The following SSC5D variants were observed in gnomAD, a reference collection of about 807,000 sequenced individuals.
SSC5D encodes the protein soluble scavenger receptor cysteine-rich domain-containing protein SSC5D.
A neutral mutation model predicts 104.6 loss-of-function variants in SSC5D; 106 were observed. The observed-to-expected ratio is 1.01, with a 90% CI of 0.87 to 1.19. SSC5D has a LOEUF of 1.19. Among genes scored for constraint, SSC5D ranks in the 50% most tolerant of loss-of-function variants. The pLI, the probability that SSC5D is intolerant of heterozygous loss-of-function variation, is 0.00. For synonymous variants in SSC5D, 860 were observed against 883.5 expected (o/e 0.97, Z 0.47); for missense variants, 1,993 against 2,153.8 (o/e 0.93, Z 1.48).
Position 55,488,494 on chromosome 19 carries a change from G to A in SSC5D, c.-96G>A. On this transcript the variant is annotated 5_prime_UTR_variant, in exon 1 of 14. Transcript: ENST00000389623. Reference sequence around the variant, plus strand: ...TCCTCGGGCCTGGGCGCCTCCAGCAGGCACTTCCCTCCCTCCCTCTCTCCC... The same window carrying A: ...TCCTCGGGCCTGGGCGCCTCCAGCAAGCACTTCCCTCCCTCCCTCTCTCCC... 1 of 1,171,294 alleles carries A rather than the reference G, an allele frequency of 8.5e-7. No individual in the cohort carries two copies. The highest frequency in any genetic ancestry group is 1.2e-6 in the Non-Finnish European group (1 of 813,536). The allele number at this position is 1,171,294 out of a possible 1,614,324, so 72.6% of individuals were successfully genotyped here.
intron 8 of SSC5D, among the ~76,000 whole-genome samples, chr19:55,497,621 G>C (rs186760448): frequency 1.2e-4 from 18 of 152,260 alleles, no homozygotes; most frequent in Admixed American, 1.2e-3. Context: ...AGACTTTCTA[G>C]ATTATATGGT....
Position 55,494,754 on chromosome 19 carries a change from C to T in SSC5D, c.1358C>T (p.Thr453Ile). The change falls in exon 8 of 14, where the codon ACT becomes ATT. Residue 453 changes from threonine to isoleucine, a missense_variant. Thr to Ile is a moderately conservative substitution (Grantham distance 89). Around this residue, in one of 6 missense-constraint regions of SSC5D, gnomAD observed 1,101 missense variants for 1,085.0 expected, o/e 1.01. Coordinates refer to ENST00000389623, the MANE Select transcript of SSC5D (RefSeq NM_001144950.2). Reference sequence around the variant, plus strand: ...GTTTCACCTCCTCCAGCCTCCCCTACTGTCCTTTGGGAGCCTGGACCGGAA... The same window carrying T: ...GTTTCACCTCCTCCAGCCTCCCCTATTGTCCTTTGGGAGCCTGGACCGGAA... The part of the protein sequence containing the change: ...AGVSPPPASP[T>I]VLWEPGPEAG... The T allele has an allele frequency of 6.5e-7, 1 of 1,548,704 alleles. No homozygotes were observed. The highest frequency in any genetic ancestry group is 8.7e-7 in the Non-Finnish European group (1 of 1,145,770).
At position 55,489,580 on chromosome 19, in the gene SSC5D, G is replaced by A; in HGVS notation, c.279G>A (p.Glu93=). The part of the protein sequence containing the change: ...WLSELACRGN[E]GQLGLCHHRG... ...GCGAGCTGGCTTGCCGGGGCAACGA[G>A]GGGCAGCTGGGCCTCTGCCACCACC... The change falls in exon 3 of 14, where the codon GAG becomes GAA. Residue 93 remains glutamate (E), a synonymous_variant. Coordinates refer to ENST00000389623, the MANE Select transcript of SSC5D (RefSeq NM_001144950.2). 1 of 1,518,290 alleles carries A rather than the reference G, an allele frequency of 6.6e-7. No homozygotes were observed. The highest frequency in any genetic ancestry group is 1.2e-5 in the South Asian group (1 of 81,928). The allele number at this position is 1,518,290 out of a possible 1,614,324, so 94.1% of individuals were successfully genotyped here.
At chr19:55,494,556 G>C (rs1599915769) in intron 7 of SSC5D, 54 bp from the exon 8 acceptor site, 6 of 1,447,118 alleles carry the variant, frequency 4.1e-6, no homozygotes, top group Non-Finnish European at 5.5e-6. Context: ...GGGGGTGCCG[G>C]CTCCGGGATG....
At chr19:55,502,854 T>A (rs529396173) in intron 12 of SSC5D, among the ~76,000 whole-genome samples, 2 of 152,202 alleles carry the variant, frequency 1.3e-5, no homozygotes, top group African/African-American at 4.8e-5. Flanking sequence ...CTTGCTGTGT[T>A]GCCCAGGCTG....
At position 55,494,637 on chromosome 19, in the gene SSC5D, C is replaced by T. The variant is rs761297324; in HGVS notation, c.1241C>T (p.Thr414Met). 308 of 1,543,830 alleles carry T rather than the reference C, an allele frequency of 2.0e-4. 1 individual carries two copies. Among genetic ancestry groups the T allele is most frequent in the Non-Finnish European group, 4.8e-5 (55 of 1,142,540 alleles). The change falls in exon 8 of 14, where the codon ACG becomes ATG. Residue 414 changes from threonine to methionine, a missense_variant. Coordinates refer to ENST00000389623, the MANE Select transcript of SSC5D (RefSeq NM_001144950.2). ...DGMPLGYVPP[T>M]APTDSNNSTP... The stretch of plus-strand genomic sequence containing the variant: ...ATGCCCCTGGGCTACGTCCCTCCCA[C>T]GGCCCCCACGGACAGCAACAACTCC...
rs1264195710 is a variant in SSC5D at position 55,503,697 on chromosome 19, C to T, written c.2785+2496C>T. On this transcript the variant is annotated intron_variant, in intron 12 of 13. Coordinates refer to ENST00000389623, the MANE Select transcript of SSC5D (RefSeq NM_001144950.2). This position sits in a 1 kb window ranked among gnomAD's most constrained non-coding sequence, Gnocchi z 4.0. ...CTCCCTTCCACTCTCCCGCCCTGCTCGCCGTCTGGGGCTGCCTGGGTTTCT... is the reference window on the plus strand; with the variant it reads ...CTCCCTTCCACTCTCCCGCCCTGCTTGCCGTCTGGGGCTGCCTGGGTTTCT... 1.3e-5 allele frequency among the ~76,000 whole-genome samples: 2 copies of T among 152,228 alleles called. No homozygotes were observed. Among genetic ancestry groups the T allele is most frequent in the East Asian group, 1.9e-4 (1 of 5,184 alleles).
rs1195728432 is a variant in SSC5D at position 55,518,779 on chromosome 19, T to C, written c.4503T>C (p.Gly1501=). The C allele has an allele frequency of 6.4e-7, 1 of 1,550,602 alleles. No homozygotes were observed. The highest frequency in any genetic ancestry group is 2.0e-5 in the Admixed American group (1 of 50,990). ...VELVAAVRDV[G]GQLQRLTQVV... is the part of the protein sequence containing the mutation. ...TGGTGGCTGCTGTGAGGGATGTGGG[T>C]GGTCAGCTGCAGAGACTGACCCAGG... The change falls in exon 14 of 14, where the codon GGT becomes GGC. Residue 1501 remains glycine, a synonymous_variant. Coordinates refer to ENST00000389623, the MANE Select transcript of SSC5D (RefSeq NM_001144950.2).
At position 55,490,977 on chromosome 19, in the gene SSC5D, T is replaced by C. The variant is rs1387032540; in HGVS notation, c.792T>C (p.Asp264=). 1.9e-6 allele frequency: 3 copies of C among 1,548,066 alleles called. No individual in the cohort carries two copies. The highest frequency in any genetic ancestry group is 1.2e-5 in the South Asian group (1 of 83,778). Residue 264 remains aspartate, a synonymous_variant, in exon 6 of 14, where the codon GAT becomes GAC. Coordinates refer to ENST00000389623, the MANE Select transcript of SSC5D (RefSeq NM_001144950.2). The stretch of plus-strand genomic sequence containing the variant: ...GTGCAGGGCCCGTGTGGATGGACGA[T>C]GTGGGGTGTGGAGGAGGAGAACAGG... ...GPGAGPVWMD[D]VGCGGGEQAL... is the part of the protein sequence containing the mutation.
In SSC5D at chr19:55,515,686, C is replaced by T. The variant is rs551717985; in HGVS notation, c.2948-1538C>T. On this transcript the variant is annotated intron_variant, in intron 13 of 13. Transcript: ENST00000389623. ...GGCAAAGCTGGCAGTGAGGCGAGAT[C>T]GTGCCACTGCACTCTAACCTGGGCG... is the stretch of plus-strand genomic sequence containing the variant. Among the ~76,000 whole-genome samples the T allele has an allele frequency of 4.0e-5, 6 of 150,464 alleles. No individual in the cohort carries two copies. The South Asian group carries it at 8.4e-4, about 21-fold the overall frequency.
At position 55,493,778 on chromosome 19, in the gene SSC5D, G is replaced by C. The variant is rs745591650; in HGVS notation, c.1079G>C (p.Gly360Ala). 3.3e-6 allele frequency: 5 copies of C among 1,536,688 alleles called. 1 individual carries two copies. In the South Asian group the frequency reaches 6.0e-5, roughly 19 times the overall value. The change falls in exon 7 of 14, where the codon GGG (glycine) becomes GCG (alanine). Residue 360 changes from glycine (G) to alanine (A), a missense_variant. Physicochemically the swap from Gly to Ala is moderately conservative, Grantham distance 60. Around this residue, in one of 6 missense-constraint regions of SSC5D, gnomAD observed 1,101 missense variants for 1,085.0 expected, o/e 1.01. Coordinates refer to ENST00000389623, the MANE Select transcript of SSC5D (RefSeq NM_001144950.2). ...GCCGCCCCCGGGGGCGCCTTCTTTG[G>C]GGAGGGGTCTGGACCCATCATCCTG... ...ALAAPGGAFF[G>A]EGSGPIILDD...
Position 55,489,910 on chromosome 19 carries a change from C to G in SSC5D, c.390C>G (p.Asp130Glu). ...AGCGTGTGGCTAACTCCAGGGACGA[C>G]TCAACATCTCCCCTGGATGGGGCTC... Reference protein sequence around the residue: ...AGQRVANSRDDSTSPLDGAPW... With the variant: ...AGQRVANSRDESTSPLDGAPW... The change falls in exon 4 of 14, where the codon GAC becomes GAG. Residue 130 changes from aspartate to glutamate, a missense_variant. By Grantham distance (45) the Asp-to-Glu change is conservative. Coordinates refer to ENST00000389623, the MANE Select transcript of SSC5D (RefSeq NM_001144950.2). 6.5e-7 allele frequency: 1 copy of G among 1,549,792 alleles called. No homozygotes were observed.
intron 13 of SSC5D, among the ~76,000 whole-genome samples, chr19:55,514,855 T>A (rs930541411): frequency 1.3e-5 from 2 of 152,116 alleles, no homozygotes; most frequent in African/African-American, 4.8e-5. Context: ...GATACGCGGA[T>A]CATCCACAGT....
Position 55,517,566 on chromosome 19 carries a change from A to G in SSC5D, c.3290A>G (p.Glu1097Gly). The change falls in exon 14 of 14, where the codon GAG becomes GGG. Residue 1097 changes from glutamate (E) to glycine (G), a missense_variant. By Grantham distance (98) the Glu-to-Gly change is moderately conservative. This residue lies in a region of SSC5D where 423 missense variants were observed against 409.2 expected (regional missense o/e 1.03). Coordinates refer to ENST00000389623, the MANE Select transcript of SSC5D (RefSeq NM_001144950.2). ...SPTPLPTLPKELTSDPSTPSE... is the reference protein window; with the variant it reads ...SPTPLPTLPKGLTSDPSTPSE... ...ACGCCCTTACCCACCTTGCCCAAAG[A>G]GCTGACCTCTGACCCTTCTACACCG... The G allele has an allele frequency of 6.4e-7, 1 of 1,551,360 alleles. No homozygotes were observed. The highest frequency in any genetic ancestry group is 2.4e-5 in the East Asian group (1 of 40,892).
intron 12 of SSC5D, among the ~76,000 whole-genome samples, chr19:55,502,898 C>T (rs1247808489): frequency 1.3e-5 from 2 of 152,172 alleles, no homozygotes; most frequent in Non-Finnish European, 1.5e-5. Flanking sequence ...TCACTGCAAC[C>T]TCCACCTCCC....
chr19:55,488,445 A>T lies in SSC5D; in HGVS notation c.-145A>T. On this transcript the variant is annotated 5_prime_UTR_variant, in exon 1 of 14. Coordinates refer to ENST00000389623, the MANE Select transcript of SSC5D (RefSeq NM_001144950.2). Reference sequence around the variant, plus strand: ...CTGCAGCCTCTTTCTTCCTCCTGGCAAAGCGTCCAGCCCTGCCTGCTCCTC... The same window carrying T: ...CTGCAGCCTCTTTCTTCCTCCTGGCTAAGCGTCCAGCCCTGCCTGCTCCTC... 1 of 320,502 alleles carries T rather than the reference A, an allele frequency of 3.1e-6. No individual in the cohort carries two copies. The highest frequency in any genetic ancestry group is 5.4e-5 in the South Asian group (1 of 18,686). The allele number at this position is 320,502 out of a possible 1,614,324, so 19.9% of individuals were successfully genotyped here. A position where few individuals can be genotyped will look rare whatever the true frequency, so the allele number is the denominator to read the frequency against.
In SSC5D at chr19:55,490,374, G is replaced by A; in HGVS notation, c.552G>A (p.Arg184=). ...GGCCCAAGCAGGCCAAGTCCACCCG[G>A]GCCCCTCTGCTGACGACAGGAGCCC... ...SPRPKQAKST[R]APLLTTGAPR... Residue 184 remains arginine, a synonymous_variant, in exon 5 of 14, where the codon CGG becomes CGA. Transcript: ENST00000389623. 6.6e-7 allele frequency: 1 copy of A among 1,516,006 alleles called. No individual in the cohort carries two copies. Among genetic ancestry groups the A allele is most frequent in the African/African-American group, 1.4e-5 (1 of 71,684 alleles). The allele number at this position is 1,516,006 out of a possible 1,614,324, so 93.9% of individuals were successfully genotyped here.
At chr19:55,496,769 T>A (rs1178653462) in intron 8 of SSC5D, among the ~76,000 whole-genome samples, 2 of 128,520 alleles carry the variant, frequency 1.6e-5, no homozygotes, top group East Asian at 2.1e-4. Context: ...TTTTTTTTTT[T>A]AAACAGGGTC....
At chr19:55,492,520 C>T (rs1987178908) in intron 6 of SSC5D, 1 of 152,128 alleles carries the variant, frequency 6.6e-6, no homozygotes, top group Non-Finnish European at 1.5e-5. Flanking sequence ...GCTTCGCCAG[C>T]ATCTGATTTA....
Sources: allele counts gnomAD v4.1 joint callset (sites outside exome capture counted in the v4.1 genomes callset), GRCh38; gene constraint gnomAD v4.1.1; regional missense constraint gnomAD v4.1.1; non-coding constraint Gnocchi (gnomAD v3.1); transcripts MANE v1.5; gene names NCBI Gene and HGNC (gene_info 2026-07-23, HGNC 2026-07-21).